Variants in BANP observed in about 807,000 individuals in gnomAD.
BANP encodes BTG3 associated nuclear protein, also known as protein BANP.
BANP carries 11 observed loss-of-function variants against 68.1 expected under a neutral mutation model. The ratio of observed to expected loss-of-function variants is 0.16; its 90% CI spans 0.10 to 0.27. The LOEUF (loss-of-function observed/expected upper bound fraction) is 0.27. BANP is among the 10% of genes least tolerant of loss of function. The pLI, the probability that BANP is intolerant of heterozygous loss-of-function variation, is 1.00. For missense variants in BANP, 504 were observed against 722.7 expected (o/e 0.70, Z 3.47); for synonymous variants, 329 against 303.2 (o/e 1.09, Z -0.88).
chr16:88,006,672 G>A (rs2152565287), intron 6 of BANP, among the ~76,000 whole-genome samples: 1 of 150,238 alleles, frequency 6.7e-6, no homozygotes, highest in East Asian at 2.0e-4. Flanking sequence ...ATACAGTATA[G>A]GACAGGCTCA....
At chr16:87,989,520 ATG>A (rs1342001757) in intron 4 of BANP, among the ~76,000 whole-genome samples, 20 of 152,272 alleles carry the variant, frequency 1.3e-4, no homozygotes, top group Admixed American at 1.2e-3. Flanking sequence ...GCAGCAGAGC[ATG>A]GAGTGTTGCC....
chr16:88,003,412 C>T lies in BANP; in HGVS notation c.363-883C>T, dbSNP rs2070005707. The T allele has an allele frequency of 2.2e-6, 1 of 455,694 alleles. No individual in the cohort carries two copies. Among genetic ancestry groups the T allele is most frequent in the Non-Finnish European group, 4.4e-6 (1 of 226,768 alleles). 28.2% of individuals were successfully genotyped at this position (455,694 alleles called of 1,614,324 possible). A position where few individuals can be genotyped will look rare whatever the true frequency, so the allele number is the denominator to read the frequency against. Reference sequence around the variant, plus strand: ...CAGGTTGGTTTTTGGAGAGTGAAATCCAAGAATGGAGTTTTATTGTCAGGT... The same window carrying T: ...CAGGTTGGTTTTTGGAGAGTGAAATTCAAGAATGGAGTTTTATTGTCAGGT... On this transcript the variant is annotated intron_variant, in intron 4 of 13. Transcript: ENST00000682872. The surrounding 1 kb of genome is among the most constrained non-coding windows in gnomAD (Gnocchi z 6.1).
chr16:88,003,820 G>A lies in BANP; in HGVS notation c.363-475G>A, dbSNP rs2070148490. 24 of 308,746 alleles carry A rather than the reference G, an allele frequency of 7.8e-5. No individual in the cohort carries two copies. Among genetic ancestry groups the A allele is most frequent in the South Asian group, 5.9e-4 (21 of 35,554 alleles). The allele number at this position is 308,746 out of a possible 1,614,324, so 19.1% of individuals were successfully genotyped here. A position where few individuals can be genotyped will look rare whatever the true frequency, so the allele number is the denominator to read the frequency against. On this transcript the variant is annotated intron_variant, in intron 4 of 13. Coordinates refer to ENST00000682872, the MANE Select transcript of BANP (RefSeq NM_001386991.1). The surrounding 1 kb of genome is among the most constrained non-coding windows in gnomAD (Gnocchi z 6.1). ...GCCCCTTTCTTTCCAGGGCGCTACC[G>A]TTTTGGAATGATACCAACACTTACG...
intron 11 of BANP, among the ~76,000 whole-genome samples, chr16:88,040,574 A>T (rs1028946832): frequency 4.6e-5 from 7 of 151,418 alleles, no homozygotes; most frequent in Non-Finnish European, 8.8e-5. Context: ...CGGGGGTCAC[A>T]CGGCCCATTC....
intron 11 of BANP, among the ~76,000 whole-genome samples, chr16:88,040,765 G>C (rs2080570458): frequency 1.3e-5 from 2 of 152,264 alleles, no homozygotes; most frequent in South Asian, 4.1e-4. Context: ...TGATTGATGG[G>C]AGACCCTGCA....
chr16:88,075,775 C>CTGG (rs2091481813), intron 13 of BANP, among the ~76,000 whole-genome samples: 1 of 130,994 alleles, frequency 7.6e-6, no homozygotes. Context: ...GAGATGGAGT[C>CTGG]TGGCTCTGTT....
Position 88,076,723 on chromosome 16 carries a change from C to G in BANP, c.*62C>G. On this transcript the variant is annotated 3_prime_UTR_variant, in exon 14 of 14. Transcript: ENST00000682872. ...CGCCTACGGCCCGGCCCCCACGCGC[C>G]CTGCTCTCACGGCCTCGGCACAGGC... is the stretch of plus-strand genomic sequence containing the variant. The G allele has an allele frequency of 7.1e-7, 1 of 1,408,942 alleles. No individual in the cohort carries two copies. The highest frequency in any genetic ancestry group is 9.7e-7 in the Non-Finnish European group (1 of 1,035,956). 87.3% of individuals were successfully genotyped at this position (1,408,942 alleles called of 1,614,324 possible).
chr16:88,069,085 G>A (rs990742223), intron 12 of BANP, among the ~76,000 whole-genome samples: 4 of 152,084 alleles, frequency 2.6e-5, no homozygotes, highest in Non-Finnish European at 4.4e-5. Context: ...GCCCCGTCTC[G>A]TGAAACAGTC....
intron 11 of BANP, among the ~76,000 whole-genome samples, chr16:88,049,779 T>G (rs946466866): frequency 4.3e-4 from 66 of 152,222 alleles, no homozygotes; most frequent in African/African-American, 1.5e-3. Context: ...GAGAGTGCTG[T>G]GGCCACACGC....
At chr16:88,060,274 G>T (rs1425239774) in intron 11 of BANP, among the ~76,000 whole-genome samples, 1 of 152,262 alleles carries the variant, frequency 6.6e-6, no homozygotes, top group Non-Finnish European at 1.5e-5. Flanking sequence ...CACCTGACGA[G>T]GGGTCTCTCT....
intron 13 of BANP, among the ~76,000 whole-genome samples, chr16:88,075,340 C>T (rs1052578787): frequency 3.3e-5 from 5 of 152,150 alleles, no homozygotes; most frequent in East Asian, 1.9e-4. Flanking sequence ...AGTGAGACTC[C>T]GTCTCAAAAA....
At chr16:87,987,188 C>T (rs994806561) in intron 4 of BANP, among the ~76,000 whole-genome samples, 2 of 152,116 alleles carry the variant, frequency 1.3e-5, no homozygotes, top group African/African-American at 4.8e-5. Flanking sequence ...AAGCAATTCT[C>T]CTGCCTCATC....
intron 11 of BANP, among the ~76,000 whole-genome samples, chr16:88,062,420 G>C (rs2087083927): frequency 6.6e-6 from 1 of 152,304 alleles, no homozygotes; most frequent in Middle Eastern, 3.4e-3. Context: ...TTTAGGCCGG[G>C]GTTCCCTCAG....
intron 11 of BANP, among the ~76,000 whole-genome samples, chr16:88,062,637 G>A (rs1349720742): frequency 2.0e-5 from 3 of 152,200 alleles, no homozygotes. Context: ...AAGTTCAGCC[G>A]CAGGCCAGTG....
At chr16:88,058,202 G>GGTGCCTGAAAGAGTCA (rs2085651847) in intron 11 of BANP, among the ~76,000 whole-genome samples, 1 of 152,206 alleles carries the variant, frequency 6.6e-6, no homozygotes, top group South Asian at 2.1e-4. Flanking sequence ...GCCTGAAAGA[G>GGTGCCTGAAAGAGTCA]AAGCTTTTGT....
chr16:87,978,838 A>C (rs1051756461), intron 2 of BANP: 7 of 325,510 alleles, frequency 2.2e-5, no homozygotes, highest in African/African-American at 1.5e-4. Flanking sequence ...TGCCCCCATC[A>C]CACAGCAAGC....
chr16:88,038,382 AG>A (rs2079927882), intron 11 of BANP, among the ~76,000 whole-genome samples: 2 of 151,966 alleles, frequency 1.3e-5, no homozygotes, highest in Non-Finnish European at 2.9e-5. Context: ...CAGGCCTGGA[AG>A]GGGGGAGGGC....
At chr16:88,052,114 C>A (rs2083393507) in intron 11 of BANP, among the ~76,000 whole-genome samples, 1 of 152,174 alleles carries the variant, frequency 6.6e-6, no homozygotes, top group Non-Finnish European at 1.5e-5. Context: ...TGGACAGATG[C>A]TGGTGTATTT....
At chr16:88,005,992 C>T (rs1453046825) in intron 5 of BANP, 98 bp from the exon 6 acceptor site, 7 of 1,448,038 alleles carry the variant, frequency 4.8e-6, no homozygotes, top group Non-Finnish European at 6.8e-6. Flanking sequence ...TCCACTGGTC[C>T]ACACAGAGTT....
Sources: gnomAD v4.1 joint callset for allele counts (sites outside exome capture counted in the v4.1 genomes callset) on GRCh38, gnomAD v4.1.1 for gene constraint, Gnocchi (gnomAD v3.1) non-coding constraint, MANE v1.5 for transcripts, NCBI Gene and HGNC (gene_info 2026-07-23, HGNC 2026-07-21) for gene names.